Variants in GRIP1 observed in about 807,000 individuals in gnomAD.
The protein encoded by GRIP1 is glutamate receptor interacting protein 1.
A neutral mutation model predicts 129.9 loss-of-function variants in GRIP1; 45 were observed. That is an observed-to-expected ratio of 0.35 (90% confidence interval 0.27 to 0.44). The LOEUF (loss-of-function observed/expected upper bound fraction) is 0.44, where lower values mean the gene tolerates loss of function less well. Ranked by LOEUF, GRIP1 falls within the 20% of genes least tolerant of loss-of-function variation. The pLI is 1.00. For synonymous variants in GRIP1, 530 were observed against 520.8 expected, an observed-to-expected ratio of 1.02 and a Z score of -0.24; for missense variants, 1,196 against 1,396.8, an observed-to-expected ratio of 0.86 and a Z score of 2.29.
At chr12:66,907,600 T>C (rs534602289) in intron 1 of GRIP1, among the ~76,000 whole-genome samples, 1 of 152,160 alleles carries the variant, frequency 6.6e-6, no homozygotes, top group South Asian at 2.1e-4. Flanking sequence ...GCAAGAGTGT[T>C]CCAGGAAGTG....
intron 11 of GRIP1, among the ~76,000 whole-genome samples, chr12:66,446,488 A>G (rs1751532889): frequency 6.6e-6 from 1 of 152,194 alleles, no homozygotes; most frequent in African/African-American, 2.4e-5. Context: ...CTCCCTCTAC[A>G]GGTGGCAGGA....
At chr12:66,713,588 T>A (rs1238154372) in intron 1 of GRIP1, among the ~76,000 whole-genome samples, 2 of 151,968 alleles carry the variant, frequency 1.3e-5, no homozygotes, top group African/African-American at 4.8e-5. Context: ...GCTGTGCAGC[T>A]TATCTGAAAT....
At chr12:66,949,263 G>C (rs2041718227) in intron 1 of GRIP1, among the ~76,000 whole-genome samples, 1 of 152,144 alleles carries the variant, frequency 6.6e-6, no homozygotes, top group South Asian at 2.1e-4. Context: ...GTTGGGCAGA[G>C]GGATGTATGT....
chr12:66,988,005 A>T (rs2042338676), intron 1 of GRIP1, among the ~76,000 whole-genome samples: 1 of 152,210 alleles, frequency 6.6e-6, no homozygotes, highest in Admixed American at 6.6e-5. Flanking sequence ...CAAGTCATTT[A>T]GCCCCCAAGG....
chr12:66,824,651 C>G (rs978342641), intron 1 of GRIP1, among the ~76,000 whole-genome samples: 2 of 152,068 alleles, frequency 1.3e-5, no homozygotes, highest in Non-Finnish European at 2.9e-5. Context: ...AGAGGAAGCA[C>G]AGGGAAACTC....
chr12:66,984,033 T>C (rs1365772069), intron 1 of GRIP1, among the ~76,000 whole-genome samples: 2 of 152,136 alleles, frequency 1.3e-5, no homozygotes, highest in Non-Finnish European at 2.9e-5. Context: ...ATACAGCATT[T>C]CGTGACCACA....
chr12:66,976,426 T>C (rs1237176058), intron 1 of GRIP1, among the ~76,000 whole-genome samples: 3 of 152,196 alleles, frequency 2.0e-5, no homozygotes. Context: ...AAATGCAAAA[T>C]GTATCAAATA....
At chr12:66,799,133 AAGT>A (rs1260893362) in intron 1 of GRIP1, among the ~76,000 whole-genome samples, 5 of 152,262 alleles carry the variant, frequency 3.3e-5, no homozygotes, top group African/African-American at 1.2e-4. Context: ...CAGGTTGACA[AAGT>A]AGATTCTAAG....
chr12:67,028,375 C>T (rs748623517), intron 1 of GRIP1, among the ~76,000 whole-genome samples: 13 of 152,078 alleles, frequency 8.5e-5, no homozygotes, highest in Admixed American at 4.6e-4. Context: ...TTGAATAGAA[C>T]GACTTTTAAA....
intron 1 of GRIP1, among the ~76,000 whole-genome samples, chr12:66,937,999 T>C (rs2041515722): frequency 6.6e-6 from 1 of 152,194 alleles, no homozygotes; most frequent in African/African-American, 2.4e-5. Flanking sequence ...ATTATTGAAG[T>C]ATAAAATAAA....
At chr12:66,719,611 TA>T (rs1371451984) in intron 1 of GRIP1, among the ~76,000 whole-genome samples, 1 of 152,164 alleles carries the variant, frequency 6.6e-6, no homozygotes, top group Non-Finnish European at 1.5e-5. Flanking sequence ...AAAAACTGTA[TA>T]AAAAATTCAC....
At chr12:66,401,272 T>C (rs1215562050) in intron 16 of GRIP1, among the ~76,000 whole-genome samples, 2 of 152,026 alleles carry the variant, frequency 1.3e-5, no homozygotes, top group Non-Finnish European at 2.9e-5. Flanking sequence ...ATTGGTGAGT[T>C]ATTAAATATA....
At chr12:66,774,420 TAAG>T (rs2037916358) in intron 1 of GRIP1, among the ~76,000 whole-genome samples, 1 of 152,320 alleles carries the variant, frequency 6.6e-6, no homozygotes, top group Non-Finnish European at 1.5e-5. Context: ...ATTAATGTGT[TAAG>T]AAGTGACTTA....
chr12:66,386,749 C>A (rs1421053717), intron 19 of GRIP1, among the ~76,000 whole-genome samples: 1 of 152,174 alleles, frequency 6.6e-6, no homozygotes, highest in Non-Finnish European at 1.5e-5. Flanking sequence ...GGAAAGAGAG[C>A]CAGTTAATTC....
intron 11 of GRIP1, 150 bp downstream of exon 11, chr12:66,455,259 G>C: frequency 1.3e-6 from 1 of 762,038 alleles, no homozygotes; most frequent in Admixed American, 1.8e-5. Flanking sequence ...TCGTGTCAAC[G>C]GTCTTTGGCA....
intron 1 of GRIP1, among the ~76,000 whole-genome samples, chr12:66,906,794 T>C (rs1376103853): frequency 6.6e-6 from 1 of 152,236 alleles, no homozygotes; most frequent in Non-Finnish European, 1.5e-5. Flanking sequence ...AGATATACTT[T>C]GTCTATAGAA....
At chr12:66,960,821 G>A (rs1158487770) in intron 1 of GRIP1, among the ~76,000 whole-genome samples, 1 of 152,098 alleles carries the variant, frequency 6.6e-6, no homozygotes, top group African/African-American at 2.4e-5. Flanking sequence ...GTAGTGCCAA[G>A]GCTGAGAAGC....
Position 66,570,132 on chromosome 12 carries a change from T to C in GRIP1, c.136+26715A>G, listed in dbSNP as rs1411015627. Among the ~76,000 whole-genome samples, 3 of 151,680 alleles carry C rather than the reference T, an allele frequency of 2.0e-5. 1 individual carries two copies. The highest frequency in any genetic ancestry group is 4.9e-5 in the African/African-American group (2 of 41,216). On this transcript the variant is annotated intron_variant, in intron 2 of 24. Coordinates refer to ENST00000359742, the MANE Select transcript of GRIP1 (RefSeq NM_001366722.1). ...GTATGTATGTATGTATGTATGTATA[T>C]ATTAGAGACAGGGTCTTACTCCGTC... is the stretch of plus-strand genomic sequence containing the variant.
At chr12:66,747,022 C>G (rs1454939969) in intron 1 of GRIP1, among the ~76,000 whole-genome samples, 2 of 151,946 alleles carry the variant, frequency 1.3e-5, no homozygotes, top group Non-Finnish European at 2.9e-5. Context: ...AGAGGTTGAG[C>G]TGATTAGCTA....
Sources: gnomAD v4.1 joint callset for allele counts (sites outside exome capture counted in the v4.1 genomes callset) on GRCh38, gnomAD v4.1.1 for gene constraint, MANE v1.5 for transcripts, NCBI Gene and HGNC (gene_info 2026-07-23, HGNC 2026-07-21) for gene names.